ZBTB17: variants seen among roughly 807,000 people sequenced by gnomAD.
The protein encoded by ZBTB17 is zinc finger and BTB domain-containing protein 17.
In ZBTB17, 24 loss-of-function variants were observed where a neutral mutation model predicts 85.1. The ratio of observed to expected loss-of-function variants is 0.28; its 90% CI spans 0.20 to 0.40. The LOEUF (loss-of-function observed/expected upper bound fraction) is 0.40, where lower values mean the gene tolerates loss of function less well. Ranked by LOEUF, ZBTB17 falls within the 10% of genes least tolerant of loss-of-function variation. The pLI is 1.00. For missense variants in ZBTB17, 743 were observed against 1,105.1 expected, an observed-to-expected ratio of 0.67 and a Z score of 4.65; for synonymous variants, 464 against 460.2, an observed-to-expected ratio of 1.01 and a Z score of -0.11.
rs376942782 is a variant in ZBTB17 at position 15,944,989 on chromosome 1, T to A, written c.875A>T (p.Tyr292Phe). The A allele has an allele frequency of 6.3e-7, 1 of 1,589,418 alleles. No homozygotes were observed. The highest frequency in any genetic ancestry group is 8.5e-7 in the Non-Finnish European group (1 of 1,170,676). Residue 292 changes from tyrosine to phenylalanine, a missense_variant, in exon 7 of 16, where the codon TAC becomes TTC. Coordinates refer to ENST00000375743, the MANE Select transcript of ZBTB17 (RefSeq NM_003443.3). Reference protein sequence around the residue: ...SEARGLRSGTYGDRTESKAYG... With the variant: ...SEARGLRSGTFGDRTESKAYG... ...GGCCTTGGACTCCGTGCGGTCGCCG[T>A]AGGTGCCTGAGCGCAGGCCCCGGGC...
Position 15,944,680 on chromosome 1 carries a change from C to T in ZBTB17, c.1070+17G>A. On this transcript the variant is annotated intron_variant, in intron 8 of 15. Transcript: ENST00000375743. ...GCCTGGCAGGGGCCGGGGTAGGAGG[C>T]CGGCTTGGGGCAGTACCTGTGCGTC... The T allele has an allele frequency of 6.2e-7, 1 of 1,604,806 alleles. No homozygotes were observed.
At chr1:15,954,068 G>A (rs1164859490) in intron 2 of ZBTB17, among the ~76,000 whole-genome samples, 1 of 152,192 alleles carries the variant, frequency 6.6e-6, no homozygotes, top group African/African-American at 2.4e-5. Context: ...CAATTAGCAT[G>A]AAGACAGGGA....
rs2071888114 is a variant in ZBTB17, at chr1:15,952,326, T to G, written c.-2-3829A>C. On this transcript the variant is annotated intron_variant, in intron 2 of 15. Transcript: ENST00000375743. The surrounding 1 kb of genome is among the most constrained non-coding windows in gnomAD (Gnocchi z 4.3). ...AAAAGCTTAGGTGGACACAGAGCCC[T>G]GGGCTCCCTCACGAGGAATTCACTG... Among the ~76,000 whole-genome samples the G allele has an allele frequency of 6.6e-6, 1 of 152,224 alleles. No homozygotes were observed. Among genetic ancestry groups the G allele is most frequent in the Non-Finnish European group, 1.5e-5 (1 of 68,032 alleles).
At position 15,964,070 on chromosome 1, in the gene ZBTB17, C is replaced by A. The variant is rs1405463379; in HGVS notation, c.-3+8969G>T. ...AGAAGGTCCAGGCTGCAGTAAGCTG[C>A]GATTGTGCCACGGCACTCCAGCCTG... On this transcript the variant is annotated intron_variant, in intron 2 of 15. Transcript: ENST00000375743. This position sits in a 1 kb window ranked among gnomAD's most constrained non-coding sequence, Gnocchi z 4.3. Among the ~76,000 whole-genome samples, 1 of 150,124 alleles carries A rather than the reference C, an allele frequency of 6.7e-6. No homozygotes were observed. Among genetic ancestry groups the A allele is most frequent in the Admixed American group, 6.7e-5 (1 of 15,036 alleles).
rs2148820226 is a variant in ZBTB17, at chr1:15,973,255, GGAAGT to G, written c.-89-135_-89-131del. 1 of 152,344 alleles carries G rather than the reference GGAAGT, an allele frequency of 6.6e-6. No individual in the cohort carries two copies. The highest frequency in any genetic ancestry group is 2.1e-4 in the South Asian group (1 of 4,834). 9.4% of individuals were successfully genotyped at this position (152,344 alleles called of 1,614,324 possible). The stretch of plus-strand genomic sequence containing the variant: ...GTGCTTAGCACAGAGCCTGGCCCAA[GGAAGT>G]GCTGAATAAATGGCCTGCTCTGTGC... On this transcript the variant is annotated intron_variant, in intron 1 of 15. Transcript: ENST00000375743. This position sits in a 1 kb window ranked among gnomAD's most constrained non-coding sequence, Gnocchi z 4.1.
At chr1:15,948,183 G>T in intron 3 of ZBTB17, 108 bp downstream of exon 3, 1 of 1,343,452 alleles carries the variant, frequency 7.4e-7, no homozygotes. Context: ...CGGGAGGCCT[G>T]TTGCATCCCA....
In ZBTB17 at chr1:15,967,460, C is replaced by T. The variant is rs368846382; in HGVS notation, c.-3+5579G>A. Among the ~76,000 whole-genome samples, 3 of 151,734 alleles carry T rather than the reference C, an allele frequency of 2.0e-5. No homozygotes were observed. In the South Asian group the frequency reaches 6.3e-4, roughly 32 times the overall value. ...TTGGAAGGCTGAGATAGATGGATTG[C>T]TTGCGCCCAGGAGTTTGGGACCAGC... On this transcript the variant is annotated intron_variant, in intron 2 of 15. Transcript: ENST00000375743.
chr1:15,954,327 A>G (rs1465397966), intron 2 of ZBTB17, among the ~76,000 whole-genome samples: 1 of 152,140 alleles, frequency 6.6e-6, no homozygotes. Flanking sequence ...GGGTTTCCAA[A>G]CTGCCACAAA....
chr1:15,965,594 G>A (rs1467584004), intron 2 of ZBTB17, among the ~76,000 whole-genome samples: 1 of 152,218 alleles, frequency 6.6e-6, no homozygotes, highest in Non-Finnish European at 1.5e-5. Context: ...AGTCCCTGGA[G>A]AGGCTGTGCA....
rs940745234 is a variant in ZBTB17, at chr1:15,951,502, C to A, written c.-2-3005G>T. On this transcript the variant is annotated intron_variant, in intron 2 of 15. Coordinates refer to ENST00000375743, the MANE Select transcript of ZBTB17 (RefSeq NM_003443.3). The surrounding 1 kb of genome is among the most constrained non-coding windows in gnomAD (Gnocchi z 4.1). ...CAGAACTGTGTCACTGTGGACTTTA[C>A]AACCGAAGCCCCACCCTCACAGGGC... Among the ~76,000 whole-genome samples the A allele has an allele frequency of 6.6e-6, 1 of 152,188 alleles. No individual in the cohort carries two copies. The highest frequency in any genetic ancestry group is 1.5e-5 in the Non-Finnish European group (1 of 68,020).
At chr1:15,974,865 C>T (rs527659392) in intron 1 of ZBTB17, among the ~76,000 whole-genome samples, 139 of 152,356 alleles carry the variant, frequency 9.1e-4, no homozygotes, top group African/African-American at 3.2e-3. Flanking sequence ...CGTGAGACAA[C>T]GAGCCCGGCC....
At chr1:15,944,860 C>G (rs1339094897) in intron 7 of ZBTB17, 21 bp from the exon 8 acceptor site, 1 of 1,576,566 alleles carries the variant, frequency 6.3e-7, no homozygotes, top group Non-Finnish European at 8.6e-7. Context: ...AGCGGGGAAG[C>G]GGGGTGTGAG....
rs75908303 is a variant in ZBTB17 at position 15,960,432 on chromosome 1, A to G, written c.-2-11935T>C. ...TTTTTAAAAAAGAAAAAAACTATAT[A>G]GAAAGAAGAGAGCCCAATGCTGTCA... On this transcript the variant is annotated intron_variant, in intron 2 of 15. Coordinates refer to ENST00000375743, the MANE Select transcript of ZBTB17 (RefSeq NM_003443.3). 9.6e-3 allele frequency among the ~76,000 whole-genome samples: 1,459 copies of G among 152,332 alleles called. 58 individuals are homozygous for G. Among genetic ancestry groups the G allele is most frequent in the Admixed American group, 0.073 (1,122 of 15,304 alleles).
Position 15,953,874 on chromosome 1 carries a change from T to C in ZBTB17, c.-2-5377A>G, listed in dbSNP as rs2071953916. Among the ~76,000 whole-genome samples, 3 of 152,256 alleles carry C rather than the reference T, an allele frequency of 2.0e-5. No homozygotes were observed. The highest frequency in any genetic ancestry group is 2.9e-5 in the Non-Finnish European group (2 of 68,050). On this transcript the variant is annotated intron_variant, in intron 2 of 15. Coordinates refer to ENST00000375743, the MANE Select transcript of ZBTB17 (RefSeq NM_003443.3). The surrounding 1 kb of genome is among the most constrained non-coding windows in gnomAD (Gnocchi z 5.1). ...TACAGAGCCTGGCATATCGTGAGCA[T>C]GCAACAAACTACTGTTGCCAGGAAG...
At chr1:15,975,878 C>T in intron 1 of ZBTB17, 105 bp downstream of exon 1, 1 of 668,668 alleles carries the variant, frequency 1.5e-6, no homozygotes, top group Non-Finnish European at 2.7e-6. Flanking sequence ...ACTTCCCTCC[C>T]CTCCCCCACA....
chr1:15,944,650 G>A (rs767977692), intron 8 of ZBTB17, 47 bp downstream of exon 8: 1 of 1,601,754 alleles, frequency 6.2e-7, no homozygotes, highest in Non-Finnish European at 8.5e-7. Flanking sequence ...GGCGTGAAAG[G>A]CCGGGCCTGG....
At chr1:15,968,113 A>G (rs986500728) in intron 2 of ZBTB17, among the ~76,000 whole-genome samples, 2 of 152,234 alleles carry the variant, frequency 1.3e-5, no homozygotes, top group Admixed American at 1.3e-4. Flanking sequence ...AGAAGTGTCA[A>G]GGTTGAGAAA....
intron 8 of ZBTB17, 22 bp from the exon 9 acceptor site, chr1:15,944,622 G>A: frequency 6.2e-7 from 1 of 1,600,090 alleles, no homozygotes; most frequent in Non-Finnish European, 8.5e-7. Flanking sequence ...GAAGGCGACA[G>A]GAGGCAGGGC....
At position 15,953,502 on chromosome 1, in the gene ZBTB17, C is replaced by G. The variant is rs1293254110; in HGVS notation, c.-2-5005G>C. ...GCTAAGAGAGCCGCCAAGGCTCCTGCGGGTGGGATTTGGAAGGGCTGGCCC... is the reference window on the plus strand; with the variant it reads ...GCTAAGAGAGCCGCCAAGGCTCCTGGGGGTGGGATTTGGAAGGGCTGGCCC... On this transcript the variant is annotated intron_variant, in intron 2 of 15. Coordinates refer to ENST00000375743, the MANE Select transcript of ZBTB17 (RefSeq NM_003443.3). The surrounding 1 kb of genome is among the most constrained non-coding windows in gnomAD (Gnocchi z 5.1). 6.6e-6 allele frequency among the ~76,000 whole-genome samples: 1 copy of G among 152,172 alleles called. No homozygotes were observed.
Sources: allele counts gnomAD v4.1 joint callset (sites outside exome capture counted in the v4.1 genomes callset), GRCh38; gene constraint gnomAD v4.1.1; non-coding constraint Gnocchi (gnomAD v3.1); transcripts MANE v1.5; gene names NCBI Gene and HGNC (gene_info 2026-07-23, HGNC 2026-07-21).